Variants in PARD3B observed in about 807,000 individuals in gnomAD.
PARD3B encodes the protein par-3 family cell polarity regulator beta.
Under a neutral mutation model 130.2 loss-of-function variants are expected in PARD3B, and 103 were observed. That is an observed-to-expected ratio of 0.79 (90% confidence interval 0.67 to 0.93). PARD3B has a LOEUF of 0.93. PARD3B is among the 40% of genes least tolerant of loss of function. PARD3B has a pLI of 0.00. For missense variants in PARD3B, 1,609 were observed against 1,499.2 expected, an observed-to-expected ratio of 1.07 and a Z score of -1.21; for synonymous variants, 583 against 553.2, an observed-to-expected ratio of 1.05 and a Z score of -0.76.
chr2:205,449,893 T>C (rs2048039144), intron 20 of PARD3B, among the ~76,000 whole-genome samples: 1 of 152,184 alleles, frequency 6.6e-6, no homozygotes, highest in Non-Finnish European at 1.5e-5. Context: ...AACAAATAAT[T>C]ACAATATAAT....
rs916222353 is a variant in PARD3B, at chr2:205,292,542, C to T, written c.2186-7988C>T. On this transcript the variant is annotated intron_variant, in intron 16 of 22. Coordinates refer to ENST00000406610, the MANE Select transcript of PARD3B (RefSeq NM_001302769.2). The surrounding 1 kb of genome is among the most constrained non-coding windows in gnomAD (Gnocchi z 5.3). ...ATACTCAGGGTGGTGAGATGCTCAG[C>T]ATGAGAGAGGCAAGCAAAGACCCGC... 6.6e-6 allele frequency among the ~76,000 whole-genome samples: 1 copy of T among 152,126 alleles called. No homozygotes were observed. Among genetic ancestry groups the T allele is most frequent in the African/African-American group, 2.4e-5 (1 of 41,400 alleles).
In PARD3B at chr2:205,160,951, G is replaced by A. The variant is rs1269867753; in HGVS notation, c.1620+2044G>A. 6.6e-6 allele frequency among the ~76,000 whole-genome samples: 1 copy of A among 152,086 alleles called. No homozygotes were observed. The highest frequency in any genetic ancestry group is 6.5e-5 in the Admixed American group (1 of 15,272). ...ATCCATTCATGTTCCTAGAGAGCAG[G>A]GCCTGTTCGCCTGGAGGTGTCTTGT... On this transcript the variant is annotated intron_variant, in intron 11 of 22. Coordinates refer to ENST00000406610, the MANE Select transcript of PARD3B (RefSeq NM_001302769.2). The surrounding 1 kb of genome is among the most constrained non-coding windows in gnomAD (Gnocchi z 4.0).
At chr2:204,891,997 C>T (rs1288993759) in intron 2 of PARD3B, among the ~76,000 whole-genome samples, 6 of 152,144 alleles carry the variant, frequency 3.9e-5, no homozygotes, top group Non-Finnish European at 8.8e-5. Context: ...TTATTTAACA[C>T]ATATGTATTG....
intron 1 of PARD3B, among the ~76,000 whole-genome samples, chr2:204,651,473 T>G (rs955572775): frequency 6.6e-6 from 1 of 152,214 alleles, no homozygotes; most frequent in South Asian, 2.1e-4. Context: ...GTGCAAGAGG[T>G]GAGTTCCCAT....
At chr2:205,157,125 CT>C (rs2034222282) in intron 10 of PARD3B, among the ~76,000 whole-genome samples, 2 of 152,132 alleles carry the variant, frequency 1.3e-5, no homozygotes, top group Non-Finnish European at 2.9e-5. Flanking sequence ...TTAATTTGCA[CT>C]TTAATTCAGT....
chr2:204,547,133 T>C (rs1457246425), intron 1 of PARD3B, among the ~76,000 whole-genome samples: 1 of 152,208 alleles, frequency 6.6e-6, no homozygotes, highest in African/African-American at 2.4e-5. Context: ...AATCTAGTGA[T>C]GGAAAAACGT....
rs181127805 is a variant in PARD3B at position 205,227,315 on chromosome 2, G to C, written c.2141-18463G>C. 4.1e-3 allele frequency among the ~76,000 whole-genome samples: 627 copies of C among 152,156 alleles called. 4 individuals carry two copies. Among genetic ancestry groups the C allele is most frequent in the African/African-American group, 0.014 (591 of 41,528 alleles). ...GCCATTATTGTATTGGGATCTCTCT[G>C]CCTCTTTAGCTTTAGTAATATTTGC... On this transcript the variant is annotated intron_variant, in intron 15 of 22. Coordinates refer to ENST00000406610, the MANE Select transcript of PARD3B (RefSeq NM_001302769.2).
At chr2:204,771,328 G>A (rs1233409290) in intron 2 of PARD3B, among the ~76,000 whole-genome samples, 1 of 152,038 alleles carries the variant, frequency 6.6e-6, no homozygotes, top group Non-Finnish European at 1.5e-5. Flanking sequence ...AAGCTGATGA[G>A]GTGTGGTGAC....
chr2:205,279,904 G>A (rs1318305856), intron 16 of PARD3B, among the ~76,000 whole-genome samples: 2 of 152,150 alleles, frequency 1.3e-5, no homozygotes, highest in Non-Finnish European at 2.9e-5. Flanking sequence ...CCAGCAGGGA[G>A]CCTAAATACA....
At chr2:204,804,964 G>C (rs1421751380) in intron 2 of PARD3B, among the ~76,000 whole-genome samples, 1 of 151,928 alleles carries the variant, frequency 6.6e-6, no homozygotes, top group Non-Finnish European at 1.5e-5. Context: ...ATGGGACACA[G>C]AGAAAGCAGT....
chr2:204,549,159 G>A (rs2030244911), intron 1 of PARD3B, among the ~76,000 whole-genome samples: 1 of 152,144 alleles, frequency 6.6e-6, no homozygotes, highest in South Asian at 2.1e-4. Flanking sequence ...AAGATACAGG[G>A]GGAGCTTTTG....
At chr2:205,472,732 T>C (rs1384614972) in intron 20 of PARD3B, among the ~76,000 whole-genome samples, 1 of 152,176 alleles carries the variant, frequency 6.6e-6, no homozygotes, top group African/African-American at 2.4e-5. Context: ...AGTACACCAT[T>C]TGAAGCTATG....
Position 205,244,118 on chromosome 2 carries a change from T to C in PARD3B, c.2141-1660T>C, listed in dbSNP as rs1267103922. ...GTTGGGAACAGAATAATCACAGATA[T>C]GTAGTGCTTTTATCTAGAAAATAAA... On this transcript the variant is annotated intron_variant, in intron 15 of 22. Transcript: ENST00000406610. This position sits in a 1 kb window ranked among gnomAD's most constrained non-coding sequence, Gnocchi z 4.7. 3.3e-5 allele frequency among the ~76,000 whole-genome samples: 5 copies of C among 152,276 alleles called. No homozygotes were observed. In the East Asian group the frequency reaches 9.7e-4, roughly 29 times the overall value.
intron 2 of PARD3B, among the ~76,000 whole-genome samples, chr2:204,805,148 G>C (rs1411396910): frequency 1.3e-5 from 2 of 151,968 alleles, no homozygotes; most frequent in African/African-American, 4.8e-5. Context: ...ACAAAAAGTT[G>C]GTTTTTTGAA....
intron 2 of PARD3B, among the ~76,000 whole-genome samples, chr2:204,919,927 CT>C (rs568605072): frequency 0.051 from 7,491 of 148,242 alleles, 221 homozygotes; most frequent in Middle Eastern, 0.11. Flanking sequence ...CAGACAGTCA[CT>C]TTTTTTTTTT....
At chr2:205,502,661 A>G (rs140243976) in intron 21 of PARD3B, among the ~76,000 whole-genome samples, 1 of 152,290 alleles carries the variant, frequency 6.6e-6, no homozygotes, top group East Asian at 1.9e-4. Context: ...AGGAAATTAC[A>G]AAGATAAGTT....
intron 2 of PARD3B, among the ~76,000 whole-genome samples, chr2:204,706,322 G>A (rs369686592): frequency 1.3e-5 from 2 of 149,572 alleles, no homozygotes; most frequent in Non-Finnish European, 3.0e-5. Context: ...AGCTAAGATC[G>A]CACCACTGCA....
chr2:204,828,044 G>T (rs1218211875), intron 2 of PARD3B, among the ~76,000 whole-genome samples: 1 of 89,008 alleles, frequency 1.1e-5, no homozygotes, highest in African/African-American at 1.4e-4. Context: ...CATCTGCCCC[G>T]GTCCAGTGTA....
At chr2:204,996,888 C>A (rs1258729373) in intron 3 of PARD3B, among the ~76,000 whole-genome samples, 2 of 150,324 alleles carry the variant, frequency 1.3e-5, no homozygotes, top group Non-Finnish European at 3.0e-5. Flanking sequence ...AAAGGGAACT[C>A]CCTGACCCCT....
Sources: gnomAD v4.1 joint callset for allele counts (sites outside exome capture counted in the v4.1 genomes callset) on GRCh38, gnomAD v4.1.1 for gene constraint, Gnocchi (gnomAD v3.1) non-coding constraint, MANE v1.5 for transcripts, NCBI Gene and HGNC (gene_info 2026-07-23, HGNC 2026-07-21) for gene names.